Variants in SLC25A48 observed in about 807,000 individuals in gnomAD.
SLC25A48 encodes the protein CTC-321K16.1.
SLC25A48 carries 29 observed loss-of-function variants against 32.2 expected under a neutral mutation model. The observed-to-expected ratio is 0.90, with a 90% CI of 0.67 to 1.23. The LOEUF is 1.23. Ranked by LOEUF, SLC25A48 falls within the 50% of genes most tolerant of loss-of-function variation. The pLI is 0.00. For missense variants in SLC25A48, 399 were observed against 422.7 expected (o/e 0.94, Z 0.49); for synonymous variants, 164 against 172.3 (o/e 0.95, Z 0.38).
intron 3 of SLC25A48, chr5:135,742,572 C>G: frequency 7.9e-7 from 1 of 1,264,260 alleles, no homozygotes; most frequent in Non-Finnish European, 1.1e-6. Flanking sequence ...TTCATTTTCT[C>G]TTTGATTTCC....
intron 1 of SLC25A48, among the ~76,000 whole-genome samples, chr5:135,579,853 A>T (rs559418407): frequency 2.0e-5 from 3 of 152,210 alleles, no homozygotes; most frequent in Non-Finnish European, 4.4e-5. Context: ...AATGCGAGGT[A>T]TAGTGGTGTG....
chr5:135,677,656 C>T (rs1425047938), intron 3 of SLC25A48, among the ~76,000 whole-genome samples: 2 of 152,012 alleles, frequency 1.3e-5, no homozygotes, highest in Admixed American at 6.6e-5. Context: ...TATATGTCAC[C>T]CTTCACTTCC....
chr5:135,699,798 G>A (rs1561454324), intron 3 of SLC25A48, among the ~76,000 whole-genome samples: 1 of 152,158 alleles, frequency 6.6e-6, no homozygotes. Context: ...TGTTGAGAGA[G>A]GAGCTTCTTA....
intron 3 of SLC25A48, among the ~76,000 whole-genome samples, chr5:135,761,124 G>A (rs935035267): frequency 1.3e-5 from 2 of 151,784 alleles, no homozygotes; most frequent in African/African-American, 4.8e-5. Context: ...AACATGGTGA[G>A]ACCCCCCCAT....
upstream of SLC25A48, among the ~76,000 whole-genome samples, chr5:135,832,595 A>T (rs1758246857): frequency 6.6e-6 from 1 of 152,164 alleles, no homozygotes; most frequent in Admixed American, 6.5e-5. Context: ...CTCCCTCTCC[A>T]GTGCTCTTAC....
At position 135,838,965 on chromosome 5, in the gene SLC25A48, GCCACCATC is replaced by G. The variant is rs1255676379; in HGVS notation, c.47-3449_47-3442del. 2.6e-5 allele frequency among the ~76,000 whole-genome samples: 4 copies of G among 152,312 alleles called. No individual in the cohort carries two copies. The East Asian group carries it at 7.7e-4, about 29-fold the overall frequency. On this transcript the variant is annotated intron_variant, in intron 1 of 7. Transcript: ENST00000681962. ...TGCCTAGTAGAGCTGTGAGAAGAGA[GCCACCATC>G]CTCCAGACCACAGAATGGTAGATCC...
intron 3 of SLC25A48, among the ~76,000 whole-genome samples, chr5:135,795,742 C>T (rs932349599): frequency 5.3e-5 from 8 of 150,480 alleles, no homozygotes; most frequent in Admixed American, 1.3e-4. Flanking sequence ...TCATAACATC[C>T]GGTGGGGGAG....
intron 7 of SLC25A48, among the ~76,000 whole-genome samples, chr5:135,884,137 T>C (rs1762641046): frequency 6.6e-6 from 1 of 152,204 alleles, no homozygotes; most frequent in African/African-American, 2.4e-5. Flanking sequence ...TTGTTCTTTT[T>C]TCTTTCTCTT....
intron 4 of SLC25A48, among the ~76,000 whole-genome samples, chr5:135,863,814 A>G (rs1760989872): frequency 6.6e-6 from 1 of 152,156 alleles, no homozygotes; most frequent in Non-Finnish European, 1.5e-5. Context: ...AAGTAGGAGG[A>G]AGGAGCATGT....
At chr5:135,751,429 G>T (rs181575040) in intron 3 of SLC25A48, among the ~76,000 whole-genome samples, 2 of 152,272 alleles carry the variant, frequency 1.3e-5, no homozygotes, top group East Asian at 3.9e-4. Context: ...AAACTCCACC[G>T]TGTCCTGTGG....
intron 3 of SLC25A48, among the ~76,000 whole-genome samples, chr5:135,717,238 G>GCA (rs1446916324): frequency 6.6e-6 from 1 of 152,174 alleles, no homozygotes. Flanking sequence ...CCTGCCCACT[G>GCA]GTCCTCTTTC....
intron 7 of SLC25A48, chr5:135,883,506 A>G: frequency 1.0e-6 from 1 of 979,810 alleles, no homozygotes; most frequent in Non-Finnish European, 1.2e-6. Context: ...GCACCTGGCC[A>G]CTGTCATTCC....
intron 1 of SLC25A48, among the ~76,000 whole-genome samples, chr5:135,595,464 G>A (rs1751627706): frequency 6.6e-6 from 1 of 152,192 alleles, no homozygotes. Context: ...ACTCACCATG[G>A]ACATAGGCTC....
rs145103667 is a variant in SLC25A48 at position 135,826,246 on chromosome 5, G to A, written c.-117+13320G>A. 7.9e-3 allele frequency: 1,199 copies of A among 152,396 alleles called. 6 individuals carry two copies. Among genetic ancestry groups the A allele is most frequent in the South Asian group, 0.033 (157 of 4,818 alleles). 9.4% of individuals were successfully genotyped at this position (152,396 alleles called of 1,614,324 possible). A position where few individuals can be genotyped will look rare whatever the true frequency, so the allele number is the denominator to read the frequency against. ...GTCCCACTCCGCAGGCCTAGGGTTT[G>A]CCTTTCTCCTCAAGCAGCAGAGGGG... On this transcript the variant is annotated intron_variant, in intron 4 of 10. Transcript: ENST00000646290.
At chr5:135,786,021 C>T (rs1756839083) in intron 3 of SLC25A48, among the ~76,000 whole-genome samples, 2 of 146,418 alleles carry the variant, frequency 1.4e-5, no homozygotes, top group Non-Finnish European at 1.5e-5. Flanking sequence ...GTGGGGGAGA[C>T]GGTGGTATTT....
At chr5:135,605,809 G>T (rs1018091028) in intron 1 of SLC25A48, among the ~76,000 whole-genome samples, 2 of 152,218 alleles carry the variant, frequency 1.3e-5, no homozygotes, top group Non-Finnish European at 2.9e-5. Flanking sequence ...TATGAGCAGA[G>T]AAATATCTGT....
chr5:135,866,336 C>T (rs1202678923), intron 4 of SLC25A48, among the ~76,000 whole-genome samples: 1 of 152,196 alleles, frequency 6.6e-6, no homozygotes, highest in Non-Finnish European at 1.5e-5. Context: ...CTTACTGTTT[C>T]CAAGGTCATG....
In SLC25A48 at chr5:135,771,062, G is replaced by A. The variant is rs552851135; in HGVS notation, c.-520-41461G>A. Among the ~76,000 whole-genome samples, 14 of 151,340 alleles carry A rather than the reference G, an allele frequency of 9.3e-5. No individual in the cohort carries two copies. In the South Asian group the frequency reaches 2.9e-3, roughly 32 times the overall value. ...CTGCGATATTGTTCTTAATATTTAG[G>A]GAGGGGAGAGAATGATATTACTTTC... On this transcript the variant is annotated intron_variant, in intron 3 of 10. Coordinates refer to the SLC25A48 transcript ENST00000646290.
intron 1 of SLC25A48, among the ~76,000 whole-genome samples, chr5:135,618,213 T>A (rs1320702645): frequency 6.6e-6 from 1 of 152,188 alleles, no homozygotes; most frequent in Non-Finnish European, 1.5e-5. Context: ...GTCTGTTTTA[T>A]CTGATATAAG....
Sources: gnomAD v4.1 joint callset for allele counts (sites outside exome capture counted in the v4.1 genomes callset) on GRCh38, gnomAD v4.1.1 for gene constraint, MANE v1.5 for transcripts, NCBI Gene and HGNC (gene_info 2026-07-23, HGNC 2026-07-21) for gene names.